The following ZMYM2 variants were observed in gnomAD, a reference collection of about 807,000 sequenced individuals.
The protein encoded by ZMYM2 is zinc finger MYM-type containing 2, also known as zinc finger MYM-type protein 2.
A neutral mutation model predicts 162.8 loss-of-function variants in ZMYM2; 56 were observed. The ratio of observed to expected loss-of-function variants is 0.34; its 90% CI spans 0.28 to 0.43. The LOEUF (loss-of-function observed/expected upper bound fraction) is 0.43. ZMYM2 is among the 20% of genes least tolerant of loss of function. ZMYM2 has a pLI of 1.00. For synonymous variants in ZMYM2, 510 were observed against 541.6 expected (o/e 0.94, Z 0.81); for missense variants, 1,275 against 1,621.8 (o/e 0.79, Z 3.67).
intron 3 of ZMYM2, among the ~76,000 whole-genome samples, chr13:19,996,152 C>T (rs1277243753): frequency 6.6e-6 from 1 of 152,094 alleles, no homozygotes; most frequent in Non-Finnish European, 1.5e-5. Context: ...GCTCATTATC[C>T]TAGGGATTGT....
the ZMYM2 span, among the ~76,000 whole-genome samples, chr13:19,939,969 G>A: frequency 4.6e-5 from 7 of 152,252 alleles, no homozygotes; most frequent in African/African-American, 7.2e-5. Flanking sequence ...TAGTTGTACC[G>A]ATCTGGAACA....
chr13:19,983,064 TATAATAGTTTTTCAGGTAA>T (rs1386127667), intron 2 of ZMYM2, among the ~76,000 whole-genome samples: 1 of 152,244 alleles, frequency 6.6e-6, no homozygotes, highest in African/African-American at 2.4e-5. Context: ...ACTCACTGTC[TATAATAGTTTTTCAGGTAA>T]ATCTTCCGGG....
intron 6 of ZMYM2, among the ~76,000 whole-genome samples, chr13:20,011,057 C>T (rs1479109661): frequency 6.6e-6 from 1 of 152,116 alleles, no homozygotes; most frequent in Non-Finnish European, 1.5e-5. Context: ...TAGCCATCAC[C>T]CCAAAATTAT....
At chr13:19,892,376 A>G in the ZMYM2 span, among the ~76,000 whole-genome samples, 2 of 151,620 alleles carry the variant, frequency 1.3e-5, no homozygotes, top group African/African-American at 2.4e-5. Context: ...GGTTCACGCC[A>G]TTCTCCTGCC....
chr13:20,084,519 A>C (rs1958120736), intron 24 of ZMYM2, among the ~76,000 whole-genome samples: 1 of 152,252 alleles, frequency 6.6e-6, no homozygotes. Flanking sequence ...TCACATAAGC[A>C]GGTGGCTGGC....
the ZMYM2 span, among the ~76,000 whole-genome samples, chr13:19,868,939 C>T: frequency 5.9e-5 from 9 of 152,014 alleles, no homozygotes; most frequent in Admixed American, 2.6e-4. Flanking sequence ...TTAGTAGAGA[C>T]GGGGTTTCAC....
rs775760282 is a variant in ZMYM2 at position 20,085,950 on chromosome 13, G to A, written c.4070G>A (p.Arg1357Gln). The change falls in exon 25 of 25, where the codon CGG (arginine) becomes CAG (glutamine). Residue 1357 changes from arginine to glutamine, a missense_variant. By Grantham distance (43) the Arg-to-Gln change is conservative (BLOSUM62 1). Around this residue, in one of 10 missense-constraint regions of ZMYM2, gnomAD observed 69 missense variants for 78.4 expected, o/e 0.88. Coordinates refer to ENST00000610343, the MANE Select transcript of ZMYM2 (RefSeq NM_197968.4). ...DRNTLENMLV[R>Q]VLLVKDIYDK... ...AACACCTTGGAAAATATGCTTGTAC[G>A]GGTTCTTCTAGTAAAAGATATTTAT... 7.4e-6 allele frequency: 12 copies of A among 1,613,650 alleles called. No individual in the cohort carries two copies. The highest frequency in any genetic ancestry group is 2.2e-5 in the East Asian group (1 of 44,852).
chr13:20,023,937 CTT>C (rs1204543197), intron 7 of ZMYM2, among the ~76,000 whole-genome samples: 1 of 147,958 alleles, frequency 6.8e-6, no homozygotes. Flanking sequence ...TCTTTTTCTT[CTT>C]CTTTTTTTTT....
the ZMYM2 span, among the ~76,000 whole-genome samples, chr13:19,874,741 A>T: frequency 6.6e-6 from 1 of 151,706 alleles, no homozygotes; most frequent in African/African-American, 2.4e-5. Flanking sequence ...AGGGAGTAGG[A>T]CCTGATAGCT....
the ZMYM2 span, among the ~76,000 whole-genome samples, chr13:19,865,605 A>G: frequency 6.6e-6 from 1 of 152,250 alleles, no homozygotes; most frequent in African/African-American, 2.4e-5. Flanking sequence ...GGTCTGACAG[A>G]AACTTTAAAT....
At chr13:19,987,773 G>A (rs1424216455) in intron 2 of ZMYM2, among the ~76,000 whole-genome samples, 1 of 151,766 alleles carries the variant, frequency 6.6e-6, no homozygotes, top group East Asian at 1.9e-4. Flanking sequence ...GAGCCACCGT[G>A]CCCAGCCTAA....
At chr13:19,965,774 T>C (rs991803170) in intron 2 of ZMYM2, among the ~76,000 whole-genome samples, 2 of 144,538 alleles carry the variant, frequency 1.4e-5, no homozygotes, top group Non-Finnish European at 3.0e-5. Context: ...CTGAATTCTT[T>C]TTTTTTTTTT....
At chr13:20,076,887 A>C (rs1957544248) in intron 21 of ZMYM2, among the ~76,000 whole-genome samples, 1 of 150,002 alleles carries the variant, frequency 6.7e-6, no homozygotes, top group South Asian at 2.1e-4. Context: ...CCCAGGCTGG[A>C]GTGCAGTGGT....
At chr13:20,018,815 C>T (rs1951828197) in intron 6 of ZMYM2, among the ~76,000 whole-genome samples, 1 of 152,142 alleles carries the variant, frequency 6.6e-6, no homozygotes, top group Admixed American at 6.5e-5. Flanking sequence ...CACGGTGGCT[C>T]ACGACTGTAA....
At chr13:20,063,901 TTATA>T (rs1956462408) in intron 18 of ZMYM2, among the ~76,000 whole-genome samples, 1 of 145,480 alleles carries the variant, frequency 6.9e-6, no homozygotes, top group African/African-American at 2.5e-5. Flanking sequence ...AAATATAATT[TTATA>T]TATAATATAT....
At chr13:19,978,432 T>C (rs1428245767) in intron 2 of ZMYM2, among the ~76,000 whole-genome samples, 2 of 152,084 alleles carry the variant, frequency 1.3e-5, no homozygotes, top group African/African-American at 4.8e-5. Flanking sequence ...GGTTTTTTTT[T>C]TGAGACGAAG....
At chr13:20,020,233 T>C (rs1423928880) in intron 7 of ZMYM2, among the ~76,000 whole-genome samples, 1 of 139,714 alleles carries the variant, frequency 7.2e-6, no homozygotes, top group Non-Finnish European at 1.6e-5. Context: ...TTATTCCTCT[T>C]CTTTTTTTTT....
intron 12 of ZMYM2, among the ~76,000 whole-genome samples, chr13:20,047,261 CTG>C (rs1954910733): frequency 6.6e-6 from 1 of 152,192 alleles, no homozygotes; most frequent in South Asian, 2.1e-4. Flanking sequence ...TTGAGTCAGA[CTG>C]TATTTTCTTA....
the ZMYM2 span, among the ~76,000 whole-genome samples, chr13:19,931,378 T>A: frequency 1.3e-5 from 2 of 152,136 alleles, no homozygotes; most frequent in Non-Finnish European, 1.5e-5. Context: ...AGAGTTTATC[T>A]CGCATCTAAC....
Sources: allele counts gnomAD v4.1 joint callset (sites outside exome capture counted in the v4.1 genomes callset), GRCh38; gene constraint gnomAD v4.1.1; regional missense constraint gnomAD v4.1.1; transcripts MANE v1.5; gene names NCBI Gene and HGNC (gene_info 2026-07-23, HGNC 2026-07-21).